The following ABL2 variants were observed in gnomAD, a reference collection of about 807,000 sequenced individuals.
ABL2 encodes the protein ABL proto-oncogene 2, non-receptor tyrosine kinase, also known as tyrosine-protein kinase ABL2.
A neutral mutation model predicts 107.7 loss-of-function variants in ABL2; 49 were observed. The ratio of observed to expected loss-of-function variants is 0.45; its 90% CI spans 0.36 to 0.58. The LOEUF (loss-of-function observed/expected upper bound fraction) is 0.58, where lower values mean the gene tolerates loss of function less well. ABL2 is among the 20% of genes least tolerant of loss of function. The probability of loss-of-function intolerance (pLI) is 0.00; values close to 1 mark genes in which losing one functional copy is unlikely to be tolerated. For missense variants in ABL2, 1,245 were observed against 1,457.0 expected (o/e 0.85, Z 2.37); for synonymous variants, 549 against 548.6 (o/e 1.00, Z -0.01).
At chr1:179,118,558 A>G (rs780038385) in intron 7 of ABL2, 29 bp downstream of exon 7, 8 of 1,591,804 alleles carry the variant, frequency 5.0e-6, no homozygotes, top group Admixed American at 1.8e-5. Flanking sequence ...AGATGGCTTC[A>G]TGGTTGGTCA....
In ABL2 at chr1:179,143,728, G is replaced by A. The variant is rs184830474; in HGVS notation, c.158-10354C>T. On this transcript the variant is annotated intron_variant, in intron 1 of 11. Transcript: ENST00000502732. Reference sequence around the variant, plus strand: ...TATTTATTTTTTGAGACGGAGTCTCGCTCTGTCGCCCAGGCTGGAAGGCAG... The same window carrying A: ...TATTTATTTTTTGAGACGGAGTCTCACTCTGTCGCCCAGGCTGGAAGGCAG... Among the ~76,000 whole-genome samples, 379 of 152,216 alleles carry A rather than the reference G, an allele frequency of 2.5e-3. 5 individuals are homozygous for A. The highest frequency in any genetic ancestry group is 8.8e-3 in the African/African-American group (365 of 41,538).
intron 1 of ABL2, among the ~76,000 whole-genome samples, chr1:179,169,120 T>C (rs1307902880): frequency 2.0e-5 from 3 of 151,934 alleles, no homozygotes; most frequent in African/African-American, 4.8e-5. Flanking sequence ...GAGTTGAGAG[T>C]TAGAAATGAA....
intron 9 of ABL2, among the ~76,000 whole-genome samples, chr1:179,113,828 G>A (rs868350455): frequency 3.9e-5 from 6 of 152,210 alleles, no homozygotes; most frequent in South Asian, 2.1e-4. Flanking sequence ...CAGCTACTCA[G>A]GAGGCTGAGG....
At chr1:179,180,003 C>G (rs1220580628) in intron 1 of ABL2, among the ~76,000 whole-genome samples, 1 of 151,572 alleles carries the variant, frequency 6.6e-6, no homozygotes, top group East Asian at 1.9e-4. Context: ...TCCAAGCTAC[C>G]TGGGAGGCTG....
intron 1 of ABL2, among the ~76,000 whole-genome samples, chr1:179,213,532 C>T (rs1662401575): frequency 6.6e-6 from 1 of 152,046 alleles, no homozygotes; most frequent in Non-Finnish European, 1.5e-5. Flanking sequence ...AACTCCTGGG[C>T]TCAGGTGATC....
chr1:179,217,512 G>C (rs1662632186), intron 1 of ABL2, among the ~76,000 whole-genome samples: 1 of 151,434 alleles, frequency 6.6e-6, no homozygotes, highest in Non-Finnish European at 1.5e-5. Context: ...TGTGGTCCCA[G>C]CTACTCGGGA....
intron 1 of ABL2, chr1:179,221,693 T>C (rs1224669357): frequency 4.4e-6 from 1 of 225,886 alleles, no homozygotes; most frequent in Admixed American, 5.0e-5. Flanking sequence ...TGTTCATCAA[T>C]ACTGGCAATT....
At chr1:179,169,505 A>C (rs1390044367) in intron 1 of ABL2, among the ~76,000 whole-genome samples, 2 of 151,722 alleles carry the variant, frequency 1.3e-5, no homozygotes, top group East Asian at 3.9e-4. Flanking sequence ...CCAAGATTGA[A>C]CCACTGCACT....
Position 179,100,120 on chromosome 1 carries a change from C to G in ABL2, c.*7598G>C. On this transcript the variant is annotated 3_prime_UTR_variant, in exon 12 of 12. Coordinates refer to ENST00000502732, the MANE Select transcript of ABL2 (RefSeq NM_007314.4). ...AACCATAAACAAGTATCTCATTGTT[C>G]CTTTCTAGTTTCTGAATACTGATTG... The G allele has an allele frequency of 4.3e-6, 1 of 231,452 alleles. No individual in the cohort carries two copies. The allele number at this position is 231,452 out of a possible 1,614,324, so 14.3% of individuals were successfully genotyped here.
At chr1:179,161,907 T>C (rs900096294) in intron 1 of ABL2, among the ~76,000 whole-genome samples, 4 of 152,148 alleles carry the variant, frequency 2.6e-5, no homozygotes, top group Non-Finnish European at 5.9e-5. Flanking sequence ...ATAAAATAGC[T>C]TGAGGCTGAG....
intron 1 of ABL2, among the ~76,000 whole-genome samples, chr1:179,155,556 C>G (rs1433837641): frequency 6.6e-6 from 1 of 151,874 alleles, no homozygotes; most frequent in East Asian, 1.9e-4. Flanking sequence ...ATGGTGAAAC[C>G]CGTCTCTATT....
rs778857651 is a variant in ABL2, at chr1:179,108,535, G to A, written c.2732C>T (p.Pro911Leu). 2.5e-5 allele frequency: 40 copies of A among 1,613,986 alleles called. No individual in the cohort carries two copies. The highest frequency in any genetic ancestry group is 1.3e-4 in the South Asian group (12 of 91,092). The stretch of plus-strand genomic sequence containing the variant: ...AGCCTTGGCTGGAGAAGGCCAGCCC[G>A]GCTGCTCTCCATCCTCTGGAACTCC... ...MAGVPEDGEQ[P>L]GWPSPAKAAP... Residue 911 changes from proline to leucine, a missense_variant, in exon 12 of 12, where the codon CCG becomes CTG. Around this residue, in one of 3 missense-constraint regions of ABL2, gnomAD observed 761 missense variants for 766.4 expected, o/e 0.99. Transcript: ENST00000502732.
intron 1 of ABL2, among the ~76,000 whole-genome samples, chr1:179,146,205 A>G (rs187322713): frequency 1.3e-5 from 2 of 152,376 alleles, no homozygotes; most frequent in East Asian, 1.9e-4. Context: ...GTAGTTCAGC[A>G]ATGGGATCAT....
intron 1 of ABL2, among the ~76,000 whole-genome samples, chr1:179,213,571 G>T (rs1662403094): frequency 6.6e-6 from 1 of 152,086 alleles, no homozygotes; most frequent in Non-Finnish European, 1.5e-5. Flanking sequence ...AAACTGCTAG[G>T]ATTACAGGTG....
chr1:179,200,492 T>C (rs1297937475), intron 1 of ABL2, among the ~76,000 whole-genome samples: 1 of 152,224 alleles, frequency 6.6e-6, no homozygotes, highest in African/African-American at 2.4e-5. Context: ...CAGAAGTTTT[T>C]CAGTCACAAA....
At chr1:179,190,989 T>C (rs1660976980) in intron 1 of ABL2, among the ~76,000 whole-genome samples, 1 of 152,146 alleles carries the variant, frequency 6.6e-6, no homozygotes. Flanking sequence ...TAGGAAAAAG[T>C]AGAGGCAGCG....
At chr1:179,128,298 A>G (rs535782448) in intron 3 of ABL2, among the ~76,000 whole-genome samples, 4 of 152,216 alleles carry the variant, frequency 2.6e-5, no homozygotes, top group African/African-American at 9.6e-5. Context: ...GTAGCGGTGG[A>G]TATGCATAAG....
At chr1:179,137,475 T>C (rs914276297) in intron 1 of ABL2, among the ~76,000 whole-genome samples, 1 of 152,138 alleles carries the variant, frequency 6.6e-6, no homozygotes, top group African/African-American at 2.4e-5. Flanking sequence ...CATTACAATG[T>C]TTATAAATAC....
chr1:179,167,242 A>C (rs896959746), intron 1 of ABL2, among the ~76,000 whole-genome samples: 1 of 152,246 alleles, frequency 6.6e-6, no homozygotes, highest in Admixed American at 6.5e-5. Context: ...AAAAAGAATG[A>C]AATCATGTCA....
Sources: allele counts gnomAD v4.1 joint callset (sites outside exome capture counted in the v4.1 genomes callset), GRCh38; gene constraint gnomAD v4.1.1; regional missense constraint gnomAD v4.1.1; transcripts MANE v1.5; gene names NCBI Gene and HGNC (gene_info 2026-07-23, HGNC 2026-07-21).